The following GRIK3 variants were observed in gnomAD, a reference collection of about 807,000 sequenced individuals.
The protein encoded by GRIK3 is glutamate ionotropic receptor kainate type subunit 3.
In GRIK3, 29 loss-of-function variants were observed where a neutral mutation model predicts 102.5. The ratio of observed to expected loss-of-function variants is 0.28; its 90% CI spans 0.21 to 0.39. The LOEUF is 0.39. Among genes scored for constraint, GRIK3 ranks in the 10% least tolerant of loss-of-function variants. The pLI is 1.00. For missense variants in GRIK3, 908 were observed against 1,252.4 expected, an observed-to-expected ratio of 0.73 and a Z score of 4.15; for synonymous variants, 511 against 504.9, an observed-to-expected ratio of 1.01 and a Z score of -0.16.
In GRIK3 at chr1:36,801,966, G is replaced by A; in HGVS notation, c.2645C>T (p.Pro882Leu). Reference sequence around the variant, plus strand: ...GGCGTCAGTCTTGACCATCATGGGAGGCTGAGGCTTGTGCTTGACTCGACG... The same window carrying A: ...GGCGTCAGTCTTGACCATCATGGGAAGCTGAGGCTTGTGCTTGACTCGACG... ...CQRRVKHKPQ[P>L]PMMVKTDAVI... The change falls in exon 16 of 16, where the codon CCT becomes CTT. Residue 882 changes from proline to leucine, a missense_variant. Around this residue, in one of 3 missense-constraint regions of GRIK3, gnomAD observed 297 missense variants for 362.7 expected, o/e 0.82. Coordinates refer to ENST00000373091, the MANE Select transcript of GRIK3 (RefSeq NM_000831.4). 2 of 1,613,984 alleles carry A rather than the reference G, an allele frequency of 1.2e-6. No individual in the cohort carries two copies. Among genetic ancestry groups the A allele is most frequent in the South Asian group, 2.2e-5 (2 of 91,068 alleles).
chr1:36,980,450 C>T (rs1642237637), intron 1 of GRIK3, among the ~76,000 whole-genome samples: 1 of 151,650 alleles, frequency 6.6e-6, no homozygotes, highest in African/African-American at 2.4e-5. Context: ...ACTCTCCCTC[C>T]TCCTTTTGTG....
chr1:36,977,565 GCCATTC>G (rs1642207695), intron 1 of GRIK3, among the ~76,000 whole-genome samples: 1 of 152,152 alleles, frequency 6.6e-6, no homozygotes, highest in Non-Finnish European at 1.5e-5. Context: ...AGAGAATAAA[GCCATTC>G]CCCTGCGATG....
chr1:36,844,831 C>T (rs556383435), intron 9 of GRIK3, among the ~76,000 whole-genome samples: 37 of 152,068 alleles, frequency 2.4e-4, no homozygotes, highest in Non-Finnish European at 4.6e-4. Context: ...AGCCTAGAGG[C>T]CACACCCAAT....
intron 7 of GRIK3, among the ~76,000 whole-genome samples, chr1:36,856,466 C>T (rs1640653224): frequency 1.3e-5 from 2 of 152,170 alleles, no homozygotes; most frequent in Non-Finnish European, 2.9e-5. Flanking sequence ...TGGTATTTTC[C>T]AGCTCCTCTC....
At chr1:37,008,655 C>A (rs559361592) in intron 1 of GRIK3, among the ~76,000 whole-genome samples, 1 of 152,324 alleles carries the variant, frequency 6.6e-6, no homozygotes, top group East Asian at 1.9e-4. Flanking sequence ...AGTGCCAGGC[C>A]AGTGTCCTGT....
At chr1:36,900,189 T>C (rs1452845348) in intron 1 of GRIK3, among the ~76,000 whole-genome samples, 1 of 152,222 alleles carries the variant, frequency 6.6e-6, no homozygotes, top group Non-Finnish European at 1.5e-5. Context: ...CTAGAAATCA[T>C]ATAATGTCTA....
intron 1 of GRIK3, among the ~76,000 whole-genome samples, chr1:36,989,229 G>A (rs750402167): frequency 6.6e-6 from 1 of 152,206 alleles, no homozygotes; most frequent in Non-Finnish European, 1.5e-5. Flanking sequence ...TGAAGAGGTT[G>A]TGCGTCTCCA....
At chr1:36,938,345 G>A (rs1641682548) in intron 1 of GRIK3, among the ~76,000 whole-genome samples, 2 of 152,162 alleles carry the variant, frequency 1.3e-5, no homozygotes, top group South Asian at 4.1e-4. Context: ...AAGCATGAGG[G>A]TGCTTTCAGC....
chr1:36,838,653 G>A (rs1403416158), intron 10 of GRIK3, among the ~76,000 whole-genome samples: 1 of 152,088 alleles, frequency 6.6e-6, no homozygotes, highest in African/African-American at 2.4e-5. Flanking sequence ...TTGGTCAGAG[G>A]CTCCACCCAG....
intron 1 of GRIK3, among the ~76,000 whole-genome samples, chr1:36,925,889 C>T (rs1264765519): frequency 6.6e-6 from 1 of 152,172 alleles, no homozygotes; most frequent in East Asian, 1.9e-4. Flanking sequence ...GGGACCTGGG[C>T]CTGACCTGTA....
intron 1 of GRIK3, among the ~76,000 whole-genome samples, chr1:36,979,421 G>A (rs1557450066): frequency 6.6e-6 from 1 of 152,214 alleles, no homozygotes; most frequent in Non-Finnish European, 1.5e-5. Context: ...TAGAAGGCTC[G>A]GGGCTTGAAG....
intron 1 of GRIK3, among the ~76,000 whole-genome samples, chr1:36,905,796 A>G (rs1641278712): frequency 6.6e-6 from 1 of 152,222 alleles, no homozygotes; most frequent in South Asian, 2.1e-4. Flanking sequence ...AAACAAACAC[A>G]CAAAAAACAA....
rs1223559637 is a variant in GRIK3 at position 36,799,165 on chromosome 1, A to T, written c.*2686T>A. 1 of 152,248 alleles carries T rather than the reference A, an allele frequency of 6.6e-6. No individual in the cohort carries two copies. The highest frequency in any genetic ancestry group is 1.9e-4 in the East Asian group (1 of 5,198). 9.4% of individuals were successfully genotyped at this position (152,248 alleles called of 1,614,324 possible). A position where few individuals can be genotyped will look rare whatever the true frequency, so the allele number is the denominator to read the frequency against. The stretch of plus-strand genomic sequence containing the variant: ...AAAGAGTTTTCCCTTCAAACAGGAC[A>T]TGATGTCCACAGCAAAGGCATCAGC... On this transcript the variant is annotated 3_prime_UTR_variant, in exon 16 of 16. Transcript: ENST00000373091.
At chr1:36,966,311 A>G (rs1303673836) in intron 1 of GRIK3, among the ~76,000 whole-genome samples, 1 of 152,246 alleles carries the variant, frequency 6.6e-6, no homozygotes, top group Non-Finnish European at 1.5e-5. Flanking sequence ...GGCAAGTGTC[A>G]GACGGAAAGG....
intron 1 of GRIK3, among the ~76,000 whole-genome samples, chr1:37,028,442 T>C (rs561302374): frequency 6.6e-6 from 1 of 152,134 alleles, no homozygotes; most frequent in Admixed American, 6.5e-5. Flanking sequence ...AGGATGTGTA[T>C]TGGTAGGAAG....
At chr1:37,016,457 C>T (rs937209014) in intron 1 of GRIK3, among the ~76,000 whole-genome samples, 1 of 152,188 alleles carries the variant, frequency 6.6e-6, no homozygotes, top group Non-Finnish European at 1.5e-5. Flanking sequence ...AGATCCCTCC[C>T]TCTGAGTTGC....
At chr1:37,030,542 A>AC (rs1642814813) in intron 1 of GRIK3, among the ~76,000 whole-genome samples, 31 of 51,502 alleles carry the variant, frequency 6.0e-4, no homozygotes, top group African/African-American at 8.7e-4. Flanking sequence ...CCCACCCCCC[A>AC]CCCCCTCCCC....
chr1:36,944,828 G>C (rs888326205), intron 1 of GRIK3, among the ~76,000 whole-genome samples: 49 of 152,212 alleles, frequency 3.2e-4, no homozygotes, highest in Admixed American at 2.9e-3. Flanking sequence ...TTTTCAGCGA[G>C]GTAATGTCTG....
chr1:36,869,396 C>T (rs1466283878), intron 5 of GRIK3, among the ~76,000 whole-genome samples: 1 of 152,158 alleles, frequency 6.6e-6, no homozygotes, highest in Non-Finnish European at 1.5e-5. Context: ...CTGCGTGTTA[C>T]CTTATTAACT....
Sources: allele counts gnomAD v4.1 joint callset (sites outside exome capture counted in the v4.1 genomes callset), GRCh38; gene constraint gnomAD v4.1.1; regional missense constraint gnomAD v4.1.1; transcripts MANE v1.5; gene names NCBI Gene and HGNC (gene_info 2026-07-23, HGNC 2026-07-21).